Variants in INPP4B observed in about 807,000 individuals in gnomAD.
INPP4B encodes inositol polyphosphate-4-phosphatase type II B.
Under a neutral mutation model 122.5 loss-of-function variants are expected in INPP4B, and 55 were observed. That is an observed-to-expected ratio of 0.45 (90% CI 0.36 to 0.56). The LOEUF is 0.56. Among genes scored for constraint, INPP4B ranks in the 20% least tolerant of loss-of-function variants. The pLI, the probability that INPP4B is intolerant of heterozygous loss-of-function variation, is 0.00. For missense variants in INPP4B, 1,000 were observed against 1,097.7 expected (o/e 0.91, Z 1.26); for synonymous variants, 403 against 388.7 (o/e 1.04, Z -0.43).
chr4:142,779,185 T>C (rs1774399062), intron 1 of INPP4B, among the ~76,000 whole-genome samples: 1 of 152,082 alleles, frequency 6.6e-6, no homozygotes. Flanking sequence ...TAAAACTCAA[T>C]ATTTTTTTCT....
In INPP4B at chr4:142,202,666, A is replaced by C. The variant is rs532903320; in HGVS notation, c.1072+5759T>G. The stretch of plus-strand genomic sequence containing the variant: ...CACAGTAAATTTTGGCTACTGTTGG[A>C]CCTGATTTCACCTACAGCTTTATGA... On this transcript the variant is annotated intron_variant, in intron 14 of 25. Transcript: ENST00000262992. 2.2e-4 allele frequency: 191 copies of C among 868,444 alleles called. No homozygotes were observed. In the South Asian group the frequency reaches 9.0e-3, roughly 41 times the overall value. The allele number at this position is 868,444 out of a possible 1,614,324, so 53.8% of individuals were successfully genotyped here. A position where few individuals can be genotyped will look rare whatever the true frequency, so the allele number is the denominator to read the frequency against.
At chr4:142,390,910 T>C (rs1253060469) in intron 7 of INPP4B, among the ~76,000 whole-genome samples, 1 of 152,156 alleles carries the variant, frequency 6.6e-6, no homozygotes, top group African/African-American at 2.4e-5. Flanking sequence ...TTTAGGAGGT[T>C]CATGAAAGAA....
chr4:142,799,923 G>T (rs1777789884), intron 1 of INPP4B, among the ~76,000 whole-genome samples: 1 of 151,326 alleles, frequency 6.6e-6, no homozygotes, highest in Non-Finnish European at 1.5e-5. Flanking sequence ...TATAAATAAT[G>T]ATGCAATGAA....
intron 2 of INPP4B, among the ~76,000 whole-genome samples, chr4:142,609,324 T>C (rs902248657): frequency 2.0e-5 from 3 of 152,068 alleles, no homozygotes; most frequent in Admixed American, 2.0e-4. Flanking sequence ...GAGAGGCTCA[T>C]TTAATTCATC....
intron 9 of INPP4B, among the ~76,000 whole-genome samples, chr4:142,278,675 A>C (rs1749775706): frequency 6.6e-6 from 1 of 151,830 alleles, no homozygotes; most frequent in Admixed American, 6.6e-5. Context: ...TAGGTAAATA[A>C]ACCCAAGCTT....
At chr4:142,836,382 T>C (rs971303675) in intron 1 of INPP4B, among the ~76,000 whole-genome samples, 2 of 151,992 alleles carry the variant, frequency 1.3e-5, no homozygotes, top group African/African-American at 2.4e-5. Flanking sequence ...ATTAAATCAA[T>C]GTACCAGAAC....
intron 25 of INPP4B, among the ~76,000 whole-genome samples, chr4:142,043,628 CAA>C (rs11335396): frequency 3.3e-5 from 5 of 149,772 alleles, no homozygotes; most frequent in Admixed American, 6.6e-5. Context: ...GATGAGGAGG[CAA>C]AAAAAAAATG....
intron 8 of INPP4B, among the ~76,000 whole-genome samples, chr4:142,312,024 A>T (rs6858270): frequency 6.6e-6 from 1 of 151,846 alleles, no homozygotes; most frequent in African/African-American, 2.4e-5. Flanking sequence ...GTTTTAAGCC[A>T]GTTTGTCACG....
At chr4:142,766,685 T>A (rs1772198030) in intron 1 of INPP4B, 1 of 152,022 alleles carries the variant, frequency 6.6e-6, no homozygotes, top group South Asian at 2.1e-4. Flanking sequence ...CCATAAAGTA[T>A]TTTCTCAAAA....
chr4:142,235,407 T>A (rs2149921138), intron 12 of INPP4B, among the ~76,000 whole-genome samples: 1 of 151,664 alleles, frequency 6.6e-6, no homozygotes, highest in South Asian at 2.1e-4. Flanking sequence ...AATTTCAGTG[T>A]TTTATGACAT....
intron 1 of INPP4B, among the ~76,000 whole-genome samples, chr4:142,779,409 T>C (rs1484640813): frequency 6.6e-6 from 1 of 152,116 alleles, no homozygotes; most frequent in Non-Finnish European, 1.5e-5. Flanking sequence ...CATGAATTCA[T>C]AACATTTAAA....
chr4:142,462,831 A>T (rs1488579994), intron 2 of INPP4B, 105 bp from the exon 3 acceptor site: 1 of 152,196 alleles, frequency 6.6e-6, no homozygotes, highest in Non-Finnish European at 1.5e-5. Context: ...AATGCCCATC[A>T]TTCAAACTTA....
At chr4:142,569,116 T>A (rs904601823) in intron 2 of INPP4B, among the ~76,000 whole-genome samples, 4 of 152,208 alleles carry the variant, frequency 2.6e-5, no homozygotes, top group Admixed American at 1.3e-4. Flanking sequence ...TTGCACACAA[T>A]TGTACACACA....
At chr4:142,229,600 A>G (rs1405226686) in intron 12 of INPP4B, among the ~76,000 whole-genome samples, 2 of 152,188 alleles carry the variant, frequency 1.3e-5, no homozygotes, top group Non-Finnish European at 2.9e-5. Flanking sequence ...ATAGAGGCAT[A>G]TGATCAGGAC....
intron 2 of INPP4B, among the ~76,000 whole-genome samples, chr4:142,717,666 C>T (rs557366450): frequency 1.3e-5 from 2 of 152,110 alleles, no homozygotes; most frequent in Admixed American, 6.5e-5. Flanking sequence ...CACATGTTGT[C>T]ACTCATAGGT....
At chr4:142,627,761 G>T (rs13104442) in intron 2 of INPP4B, among the ~76,000 whole-genome samples, 98,525 of 151,810 alleles carry the variant, frequency 0.65, 33,292 homozygotes, top group East Asian at 0.81. Flanking sequence ...AATGATGCTG[G>T]CCTCATAAAA....
intron 2 of INPP4B, among the ~76,000 whole-genome samples, chr4:142,650,337 T>C (rs1752674178): frequency 6.6e-6 from 1 of 152,168 alleles, no homozygotes; most frequent in Non-Finnish European, 1.5e-5. Flanking sequence ...GCTAACATCA[T>C]AATGACAGGA....
rs559907374 is a variant in INPP4B at position 142,724,242 on chromosome 4, C to T, written c.-191+1597G>A. Among the ~76,000 whole-genome samples the T allele has an allele frequency of 3.3e-5, 5 of 152,156 alleles. No homozygotes were observed. In the South Asian group the frequency reaches 1.0e-3, roughly 32 times the overall value. ...ATAGCTTACATAAATAAAATAAAAG[C>T]CTAAAAATGAGTATATTAGTATATA... is the stretch of plus-strand genomic sequence containing the variant. On this transcript the variant is annotated intron_variant, in intron 2 of 25. Transcript: ENST00000262992.
chr4:142,570,031 C>G (rs547070747), intron 2 of INPP4B, among the ~76,000 whole-genome samples: 11 of 152,128 alleles, frequency 7.2e-5, no homozygotes, highest in Admixed American at 2.6e-4. Context: ...TCCAAAAATG[C>G]AGGAAGTAGA....
Sources: gnomAD v4.1 joint callset for allele counts (sites outside exome capture counted in the v4.1 genomes callset) on GRCh38, gnomAD v4.1.1 for gene constraint, MANE v1.5 for transcripts, NCBI Gene and HGNC (gene_info 2026-07-23, HGNC 2026-07-21) for gene names.